Variants in COTL1 observed in about 807,000 individuals in gnomAD.
COTL1 encodes the protein coactosin like F-actin binding protein 1.
In COTL1, 15 loss-of-function variants were observed where a neutral mutation model predicts 16.5. The ratio of observed to expected loss-of-function variants is 0.91; its 90% CI spans 0.61 to 1.40. The LOEUF is 1.40. Ranked by LOEUF, COTL1 falls within the 40% of genes most tolerant of loss-of-function variation. COTL1 has a pLI of 0.00. For synonymous variants in COTL1, 112 were observed against 85.3 expected, an observed-to-expected ratio of 1.31 and a Z score of -1.73; for missense variants, 220 against 201.5, an observed-to-expected ratio of 1.09 and a Z score of -0.56.
intron 3 of COTL1, among the ~76,000 whole-genome samples, chr16:84,573,660 A>C (rs1432675434): frequency 6.6e-6 from 1 of 151,912 alleles, no homozygotes; most frequent in East Asian, 1.9e-4. Flanking sequence ...GAATCGCTTG[A>C]ACCGGGGAGG....
chr16:84,571,035 T>G (rs1322953257), intron 3 of COTL1, among the ~76,000 whole-genome samples: 1 of 151,950 alleles, frequency 6.6e-6, no homozygotes, highest in Non-Finnish European at 1.5e-5. Context: ...ACAGTGACCA[T>G]GGCCATGCTC....
At chr16:84,585,809 A>G (rs530528127) in intron 3 of COTL1, among the ~76,000 whole-genome samples, 21 of 152,344 alleles carry the variant, frequency 1.4e-4, no homozygotes, top group South Asian at 1.0e-3. Flanking sequence ...GCAGCTTCAG[A>G]TAATTAACAT....
intron 3 of COTL1, among the ~76,000 whole-genome samples, chr16:84,578,411 C>T (rs980414465): frequency 1.7e-4 from 26 of 152,100 alleles, no homozygotes; most frequent in East Asian, 3.8e-4. Context: ...ACTTCATATA[C>T]GCCAGGCAAT....
intron 2 of COTL1, among the ~76,000 whole-genome samples, chr16:84,609,591 C>T (rs1376258281): frequency 6.6e-6 from 1 of 152,248 alleles, no homozygotes; most frequent in East Asian, 1.9e-4. Context: ...TCTTCCTCTC[C>T]AGGTCAACCC....
chr16:84,571,259 G>C (rs564999257), intron 3 of COTL1, among the ~76,000 whole-genome samples: 1 of 152,086 alleles, frequency 6.6e-6, no homozygotes, highest in Non-Finnish European at 1.5e-5. Context: ...GGGACTCGAT[G>C]CAGCCCACGC....
intron 2 of COTL1, among the ~76,000 whole-genome samples, chr16:84,611,404 A>G (rs966540392): frequency 6.6e-6 from 1 of 152,260 alleles, no homozygotes; most frequent in Non-Finnish European, 1.5e-5. Flanking sequence ...AAGATAGGGA[A>G]GAAACTTTGG....
intron 2 of COTL1, among the ~76,000 whole-genome samples, chr16:84,600,459 C>A (rs756393907): frequency 5.9e-5 from 9 of 152,042 alleles, no homozygotes; most frequent in Non-Finnish European, 7.4e-5. Context: ...ATTACAGGCA[C>A]CTGCCACCAT....
At chr16:84,614,308 G>A (rs1192400815) in intron 2 of COTL1, among the ~76,000 whole-genome samples, 1 of 152,200 alleles carries the variant, frequency 6.6e-6, no homozygotes, top group Non-Finnish European at 1.5e-5. Flanking sequence ...AAGAAGCAGC[G>A]CAGACCCAGA....
At chr16:84,578,261 G>C (rs1390261404) in intron 3 of COTL1, among the ~76,000 whole-genome samples, 1 of 152,100 alleles carries the variant, frequency 6.6e-6, no homozygotes, top group African/African-American at 2.4e-5. Flanking sequence ...ATCCATGTTT[G>C]GGGATTTTTC....
chr16:84,585,609 G>A (rs1001794284), intron 3 of COTL1, among the ~76,000 whole-genome samples: 9 of 152,164 alleles, frequency 5.9e-5, no homozygotes, highest in African/African-American at 1.9e-4. Context: ...CACCCGGAAT[G>A]GGCCCATCTG....
chr16:84,586,340 C>T (rs1904732833), intron 3 of COTL1, among the ~76,000 whole-genome samples: 1 of 152,218 alleles, frequency 6.6e-6, no homozygotes. Context: ...ACTACTCCCA[C>T]CTAAAGGTTC....
At chr16:84,609,821 G>A (rs145244054) in intron 2 of COTL1, among the ~76,000 whole-genome samples, 17 of 152,348 alleles carry the variant, frequency 1.1e-4, no homozygotes, top group African/African-American at 3.8e-4. Context: ...AAAGAAGGAT[G>A]TGTTTGCTTC....
intron 2 of COTL1, among the ~76,000 whole-genome samples, chr16:84,606,716 A>C (rs1487882935): frequency 1.3e-5 from 2 of 152,144 alleles, no homozygotes; most frequent in African/African-American, 4.8e-5. Context: ...GAAACCCTAA[A>C]GCCCCTAAAG....
At chr16:84,603,504 A>T (rs993871402) in intron 2 of COTL1, among the ~76,000 whole-genome samples, 1 of 152,138 alleles carries the variant, frequency 6.6e-6, no homozygotes, top group Admixed American at 6.6e-5. Context: ...CTCATCGGTG[A>T]CACAGCACGT....
intron 3 of COTL1, among the ~76,000 whole-genome samples, chr16:84,582,150 A>G (rs7196242): frequency 0.37 from 55,980 of 151,616 alleles, 11,571 homozygotes; most frequent in African/African-American, 0.56. Flanking sequence ...ACATGCCACC[A>G]TATCCAGCTA....
chr16:84,595,525 A>G (rs1167655850), intron 2 of COTL1: 1 of 152,162 alleles, frequency 6.6e-6, no homozygotes, highest in African/African-American at 2.4e-5. Context: ...CTAGTTCTTC[A>G]TCCCTGGTTT....
intron 2 of COTL1, among the ~76,000 whole-genome samples, chr16:84,607,626 G>C (rs1052626557): frequency 1.4e-4 from 22 of 152,176 alleles, no homozygotes; most frequent in Non-Finnish European, 2.9e-4. Flanking sequence ...ACACACACTG[G>C]AGGGGTCGGC....
At chr16:84,592,999 C>T (rs1904908343) in intron 2 of COTL1, among the ~76,000 whole-genome samples, 1 of 152,238 alleles carries the variant, frequency 6.6e-6, no homozygotes, top group Non-Finnish European at 1.5e-5. Context: ...AAACATGCTT[C>T]TATTTCATCT....
intron 2 of COTL1, among the ~76,000 whole-genome samples, chr16:84,604,691 C>T (rs1345062284): frequency 6.6e-6 from 1 of 152,156 alleles, no homozygotes; most frequent in Non-Finnish European, 1.5e-5. Context: ...CTCTCTCTGT[C>T]CCTCTGTTAG....
Sources: gnomAD v4.1 joint callset for allele counts (sites outside exome capture counted in the v4.1 genomes callset) on GRCh38, gnomAD v4.1.1 for gene constraint, MANE v1.5 for transcripts, NCBI Gene and HGNC (gene_info 2026-07-23, HGNC 2026-07-21) for gene names.